UIMC1: variants seen among roughly 807,000 people sequenced by gnomAD.
The protein encoded by UIMC1 is ubiquitin interaction motif containing 1.
UIMC1 carries 42 observed loss-of-function variants against 84.9 expected under a neutral mutation model. That is an observed-to-expected ratio of 0.49 (90% confidence interval 0.39 to 0.64). The LOEUF is 0.64. UIMC1 is among the 30% of genes least tolerant of loss of function. The pLI, the probability that UIMC1 is intolerant of heterozygous loss-of-function variation, is 0.00. For synonymous variants in UIMC1, 281 were observed against 293.0 expected (o/e 0.96, Z 0.42); for missense variants, 825 against 847.6 (o/e 0.97, Z 0.33).
At chr5:176,909,856 T>G (rs1759887999) in intron 11 of UIMC1, among the ~76,000 whole-genome samples, 1 of 152,218 alleles carries the variant, frequency 6.6e-6, no homozygotes, top group South Asian at 2.1e-4. Flanking sequence ...TTGGACAGAC[T>G]TTATCACTTC....
At chr5:176,986,845 T>A (rs919591590) in intron 1 of UIMC1, among the ~76,000 whole-genome samples, 8 of 151,990 alleles carry the variant, frequency 5.3e-5, no homozygotes, top group African/African-American at 1.9e-4. Flanking sequence ...AAATAAAAGA[T>A]ACTCAACTTA....
chr5:176,916,482 C>T (rs9313745), intron 10 of UIMC1, among the ~76,000 whole-genome samples: 135,866 of 152,236 alleles, frequency 0.89, 60,759 homozygotes, highest in East Asian at 0.99. Context: ...AGTTGGACAA[C>T]AGGTGTCCAG....
At chr5:176,932,173 C>T (rs1581428005) in intron 10 of UIMC1, among the ~76,000 whole-genome samples, 1 of 152,144 alleles carries the variant, frequency 6.6e-6, no homozygotes, top group East Asian at 1.9e-4. Context: ...AAGATAATGT[C>T]CTCTCCAGAA....
At chr5:176,997,411 C>T (rs1022614050) in intron 1 of UIMC1, among the ~76,000 whole-genome samples, 1 of 152,116 alleles carries the variant, frequency 6.6e-6, no homozygotes, top group Non-Finnish European at 1.5e-5. Context: ...TCAGGCCGGG[C>T]ACGGTGGCTC....
chr5:176,941,937 G>C (rs950566370), intron 10 of UIMC1, among the ~76,000 whole-genome samples: 1 of 151,892 alleles, frequency 6.6e-6, no homozygotes, highest in African/African-American at 2.4e-5. Context: ...TCTGCCTCCC[G>C]GGTTCAAGCA....
intron 6 of UIMC1, among the ~76,000 whole-genome samples, chr5:176,967,889 C>T (rs1171112269): frequency 7.1e-6 from 1 of 141,500 alleles, no homozygotes; most frequent in Non-Finnish European, 1.5e-5. Flanking sequence ...GGTGACAGAG[C>T]GAGACCTTGT....
chr5:176,988,164 A>C (rs574782820), intron 1 of UIMC1, among the ~76,000 whole-genome samples: 1 of 150,786 alleles, frequency 6.6e-6, no homozygotes, highest in South Asian at 2.1e-4. Flanking sequence ...CAAATCATTA[A>C]TCATGAGGGA....
At chr5:176,965,727 T>C (rs1768197304) in intron 6 of UIMC1, among the ~76,000 whole-genome samples, 1 of 152,134 alleles carries the variant, frequency 6.6e-6, no homozygotes, top group South Asian at 2.1e-4. Flanking sequence ...AAGTTAAGAG[T>C]CAAAGAACTT....
intron 9 of UIMC1, among the ~76,000 whole-genome samples, chr5:176,949,298 G>A (rs1335031701): frequency 6.6e-6 from 1 of 152,144 alleles, no homozygotes; most frequent in Non-Finnish European, 1.5e-5. Flanking sequence ...GACATTCAAT[G>A]TGAGAAAGGC....
At chr5:176,938,312 CATATAA>C (rs1763968497) in intron 10 of UIMC1, among the ~76,000 whole-genome samples, 1 of 150,664 alleles carries the variant, frequency 6.6e-6, no homozygotes, top group African/African-American at 2.4e-5. Flanking sequence ...TGTCTCCAGT[CATATAA>C]AGCTAAGAGG....
intron 2 of UIMC1, among the ~76,000 whole-genome samples, chr5:176,981,017 AGG>A (rs1351690644): frequency 1.3e-5 from 2 of 152,188 alleles, no homozygotes; most frequent in African/African-American, 4.8e-5. Context: ...CTGGGATTAT[AGG>A]GATGAGTCAC....
intron 3 of UIMC1, among the ~76,000 whole-genome samples, chr5:176,971,865 T>C (rs1769285095): frequency 2.0e-5 from 3 of 152,048 alleles, no homozygotes; most frequent in Non-Finnish European, 2.9e-5. Flanking sequence ...GCTGAAACCA[T>C]GCCATTGCAC....
At chr5:176,918,390 G>A (rs1424266351) in intron 10 of UIMC1, among the ~76,000 whole-genome samples, 1 of 152,164 alleles carries the variant, frequency 6.6e-6, no homozygotes, top group Non-Finnish European at 1.5e-5. Context: ...TTTCTCCAGT[G>A]GGGTTCCAAG....
Position 176,984,996 on chromosome 5 carries a change from T to C in UIMC1, c.-8-2373A>G, listed in dbSNP as rs146726465. ...CTCTGCCTAGGAAAACCAGAGACCTTTGTTCATGTGTTTATCTGCTGACCT... is the reference window on the plus strand; with the variant it reads ...CTCTGCCTAGGAAAACCAGAGACCTCTGTTCATGTGTTTATCTGCTGACCT... On this transcript the variant is annotated intron_variant, in intron 1 of 14. Coordinates refer to ENST00000511320, the MANE Select transcript of UIMC1 (RefSeq NM_001199298.2). 9.0e-3 allele frequency among the ~76,000 whole-genome samples: 1,367 copies of C among 152,178 alleles called. 20 individuals are homozygous for C. Among genetic ancestry groups the C allele is most frequent in the African/African-American group, 0.031 (1,276 of 41,502 alleles).
Position 177,012,578 on chromosome 5 carries a change from A to T in UIMC1, c.-9+9886T>A, listed in dbSNP as rs561096994. ...CGCGGTGGCAGGCACCTGTAATCCC[A>T]ACTACTCGGGAGGCTGAGGCAAGAG... On this transcript the variant is annotated intron_variant, in intron 1 of 5. Transcript: ENST00000509236. 4.6e-5 allele frequency among the ~76,000 whole-genome samples: 7 copies of T among 152,100 alleles called. No individual in the cohort carries two copies. In the East Asian group the frequency reaches 1.2e-3, roughly 25 times the overall value.
chr5:176,958,257 T>A, intron 6 of UIMC1, 103 bp from the exon 7 acceptor site: 1 of 901,710 alleles, frequency 1.1e-6, no homozygotes, highest in African/African-American at 1.7e-5. Flanking sequence ...CCTCAACAAT[T>A]AACAATAAGA....
In UIMC1 at chr5:176,965,203, C is replaced by T. The variant is rs188092568; in HGVS notation, c.1200+3352G>A. 4.0e-3 allele frequency among the ~76,000 whole-genome samples: 613 copies of T among 152,176 alleles called. 6 individuals carry two copies. Among genetic ancestry groups the T allele is most frequent in the African/African-American group, 0.014 (587 of 41,506 alleles). On this transcript the variant is annotated intron_variant, in intron 6 of 14. Transcript: ENST00000511320. ...TTCGGAGGCCAAGGTGGGTGGATCA[C>T]GAGGTCAGGAGATCGAGACCATCCT... is the stretch of plus-strand genomic sequence containing the variant.
At chr5:176,981,927 G>C (rs891348578) in intron 2 of UIMC1, among the ~76,000 whole-genome samples, 1 of 152,158 alleles carries the variant, frequency 6.6e-6, no homozygotes, top group Non-Finnish European at 1.5e-5. Context: ...AAAGGAAAAA[G>C]GTTACAATCT....
intron 10 of UIMC1, among the ~76,000 whole-genome samples, chr5:176,922,957 A>C (rs1483192098): frequency 2.6e-5 from 4 of 152,326 alleles, no homozygotes; most frequent in Admixed American, 2.6e-4. Context: ...TTTTTGCAGC[A>C]AAGAAGGCAG....
Sources: gnomAD v4.1 joint callset for allele counts (sites outside exome capture counted in the v4.1 genomes callset) on GRCh38, gnomAD v4.1.1 for gene constraint, MANE v1.5 for transcripts, NCBI Gene and HGNC (gene_info 2026-07-23, HGNC 2026-07-21) for gene names.